PLCXD1: variants seen among roughly 807,000 people sequenced by gnomAD.
The protein encoded by PLCXD1 is PI-PLC X domain-containing protein 1.
PLCXD1 carries 45 observed loss-of-function variants against 37.8 expected under a neutral mutation model. That is an observed-to-expected ratio of 1.19 (90% CI 0.94 to 1.53). PLCXD1 has a LOEUF of 1.53. Ranked by LOEUF, PLCXD1 falls within the 40% of genes most tolerant of loss-of-function variation. The pLI, the probability that PLCXD1 is intolerant of heterozygous loss-of-function variation, is 0.00. For missense variants in PLCXD1, 539 were observed against 454.7 expected (o/e 1.19, Z -1.69); for synonymous variants, 246 against 206.9 (o/e 1.19, Z -1.62).
intron 5 of PLCXD1, among the ~76,000 whole-genome samples, chrX:292,777 C>T (rs1482022245): frequency 4.6e-5 from 7 of 151,690 alleles, no homozygotes; most frequent in Non-Finnish European, 7.4e-5. Flanking sequence ...CGCACCCGGC[C>T]AATTTTTGTA....
Position 288,874 on chromosome X carries a change from G to C in PLCXD1, c.264+5G>C, listed in dbSNP as rs751242230. On this transcript the variant is annotated splice_donor_5th_base_variant and intron_variant, in intron 3 of 6. Transcript: ENST00000381657. ...CTGAAATGGTCCGTCACCCAGGTAC[G>C]GTCTGTGCCCCGTGCTGCTGACCTG... 1 of 1,612,154 alleles carries C rather than the reference G, an allele frequency of 6.2e-7. No individual in the cohort carries two copies. The highest frequency in any genetic ancestry group is 8.5e-7 in the Non-Finnish European group (1 of 1,179,648).
At chrX:294,661 A>G (rs1255467540) in intron 6 of PLCXD1, among the ~76,000 whole-genome samples, 1 of 149,516 alleles carries the variant, frequency 6.7e-6, no homozygotes, top group Non-Finnish European at 1.5e-5. Flanking sequence ...AAAATTAGCC[A>G]GGCATGGTGA....
At position 299,637 on chromosome X, in the gene PLCXD1, G is replaced by A; in HGVS notation, c.*302G>A. 1 of 500,834 alleles carries A rather than the reference G, an allele frequency of 2.0e-6. No individual in the cohort carries two copies. The highest frequency in any genetic ancestry group is 3.5e-5 in the East Asian group (1 of 28,280). The allele number at this position is 500,834 out of a possible 1,614,324, so 31.0% of individuals were successfully genotyped here. A position where few individuals can be genotyped will look rare whatever the true frequency, so the allele number is the denominator to read the frequency against. The stretch of plus-strand genomic sequence containing the variant: ...GCTGGGTGTGTGGCAGGCGCCTGTA[G>A]TCCCAGTTACTCGGGAGGCTCAGGC... On this transcript the variant is annotated 3_prime_UTR_variant, in exon 7 of 7. Coordinates refer to ENST00000381657, the MANE Select transcript of PLCXD1 (RefSeq NM_018390.4).
upstream of PLCXD1, among the ~76,000 whole-genome samples, chrX:279,889 T>A (rs765832247): frequency 1.3e-5 from 2 of 152,144 alleles, no homozygotes; most frequent in East Asian, 3.9e-4. Flanking sequence ...TCACTCTGTC[T>A]CCCAGGCTGG....
intron 6 of PLCXD1, 125 bp downstream of exon 6, chrX:293,343 T>C: frequency 1.4e-6 from 1 of 739,906 alleles, no homozygotes; most frequent in South Asian, 1.8e-5. Flanking sequence ...ATCCATGAGC[T>C]GGGCGTGGTA....
intron 6 of PLCXD1, among the ~76,000 whole-genome samples, chrX:294,309 C>T (rs1360459737): frequency 4.6e-5 from 7 of 152,194 alleles, no homozygotes; most frequent in East Asian, 3.9e-4. Flanking sequence ...GGAGAAACCC[C>T]GTCTCTACTA....
chrX:291,755 C>A, intron 5 of PLCXD1, 101 bp downstream of exon 5: 1 of 1,320,310 alleles, frequency 7.6e-7, no homozygotes, highest in Non-Finnish European at 1.1e-6. Context: ...TGCCATGATT[C>A]CTGTAGCAGG....
chrX:290,850 CTG>C, intron 4 of PLCXD1, 74 bp downstream of exon 4: 3 of 1,239,386 alleles, frequency 2.4e-6, no homozygotes, highest in Non-Finnish European at 3.3e-6. Flanking sequence ...TGCGGCCGGG[CTG>C]AGGTGGGAAG....
intron 2 of PLCXD1, among the ~76,000 whole-genome samples, chrX:286,539 C>T (rs774761792): frequency 6.6e-5 from 10 of 152,108 alleles, no homozygotes; most frequent in Admixed American, 2.6e-4. Context: ...TCTTAAGAGC[C>T]GAGCTCCTTA....
chrX:292,248 C>T (rs1274127492), intron 5 of PLCXD1, among the ~76,000 whole-genome samples: 2 of 151,564 alleles, frequency 1.3e-5, no homozygotes, highest in South Asian at 2.1e-4. Context: ...GAGGTCAGGA[C>T]ATCGAGACCA....
chrX:280,283 C>T (rs2069235301), upstream of PLCXD1, among the ~76,000 whole-genome samples: 1 of 150,558 alleles, frequency 6.6e-6, no homozygotes, highest in African/African-American at 2.4e-5. Flanking sequence ...GAGGGGAGGC[C>T]GTGCAGGAGG....
rs1377286502 is a variant in PLCXD1 at position 301,016 on chromosome X, T to C, written c.*1681T>C. 3 of 152,222 alleles carry C rather than the reference T, an allele frequency of 2.0e-5. No homozygotes were observed. The highest frequency in any genetic ancestry group is 7.2e-5 in the African/African-American group (3 of 41,432). 9.4% of individuals were successfully genotyped at this position (152,222 alleles called of 1,614,324 possible). A position where few individuals can be genotyped will look rare whatever the true frequency, so the allele number is the denominator to read the frequency against. Reference sequence around the variant, plus strand: ...CTGTGCCCAGCCGCCGATATTTCTTTAAATTATGTTTAGGGACAGGGTCTT... The same window carrying C: ...CTGTGCCCAGCCGCCGATATTTCTTCAAATTATGTTTAGGGACAGGGTCTT... On this transcript the variant is annotated 3_prime_UTR_variant, in exon 7 of 7. Transcript: ENST00000381657.
At chrX:282,957 T>A (rs759103369) in intron 1 of PLCXD1, among the ~76,000 whole-genome samples, 3 of 142,312 alleles carry the variant, frequency 2.1e-5, no homozygotes, top group Non-Finnish European at 4.5e-5. Flanking sequence ...ATATATATAT[T>A]ATATATGTAT....
Position 284,669 on chromosome X carries a change from T to C in PLCXD1, c.127+355T>C, listed in dbSNP as rs1348267472. 3.4e-5 allele frequency among the ~76,000 whole-genome samples: 5 copies of C among 147,764 alleles called. No homozygotes were observed. In the East Asian group the frequency reaches 8.2e-4, roughly 24 times the overall value. ...ACACATGCACATCTGCACACACACA[T>C]GCACATCTGCACACATACGCATGTG... is the stretch of plus-strand genomic sequence containing the variant. On this transcript the variant is annotated intron_variant, in intron 2 of 6. Transcript: ENST00000381657.
upstream of PLCXD1, among the ~76,000 whole-genome samples, chrX:277,242 T>A (rs1413719755): frequency 2.1e-3 from 207 of 97,750 alleles, no homozygotes; most frequent in African/African-American, 7.4e-3. Context: ...GGACTTGGGA[T>A]GTGAGGGGAG....
At chrX:288,418 C>A (rs1243157069) in intron 2 of PLCXD1, among the ~76,000 whole-genome samples, 2 of 152,198 alleles carry the variant, frequency 1.3e-5, no homozygotes, top group Non-Finnish European at 2.9e-5. Flanking sequence ...CTCCACGAGG[C>A]CTCCTCCTCT....
rs1436055232 is a variant in PLCXD1, at chrX:301,269, C to T, written c.*1934C>T. 1 of 152,094 alleles carries T rather than the reference C, an allele frequency of 6.6e-6. No individual in the cohort carries two copies. Among genetic ancestry groups the T allele is most frequent in the African/African-American group, 2.4e-5 (1 of 41,384 alleles). The allele number at this position is 152,094 out of a possible 1,614,324, so 9.4% of individuals were successfully genotyped here. A position where few individuals can be genotyped will look rare whatever the true frequency, so the allele number is the denominator to read the frequency against. ...CCAGTGATCCTCCCACCTTAGCTTCCAGAGTGGCCAGGATCACAGGCAGGC... is the reference window on the plus strand; with the variant it reads ...CCAGTGATCCTCCCACCTTAGCTTCTAGAGTGGCCAGGATCACAGGCAGGC... On this transcript the variant is annotated 3_prime_UTR_variant, in exon 7 of 7. Coordinates refer to ENST00000381657, the MANE Select transcript of PLCXD1 (RefSeq NM_018390.4).
rs1246500943 is a variant in PLCXD1, at chrX:290,740, C to T, written c.357C>T (p.His119=). The change falls in exon 4 of 7, where the codon CAC becomes CAT. Residue 119 remains histidine (H), a synonymous_variant. Transcript: ENST00000381657. ...HMLEGSEKNL[H]FVHMVYTTAL... ...TGGAGGGCTCGGAGAAGAACCTGCA[C>T]TTTGTCCATATGGTGTACACAACGG... The T allele has an allele frequency of 6.2e-7, 1 of 1,613,694 alleles. No individual in the cohort carries two copies. Among genetic ancestry groups the T allele is most frequent in the Admixed American group, 1.7e-5 (1 of 59,994 alleles).
chrX:291,151 CTTTTTTTTTTTGG>C (rs1569564530), intron 4 of PLCXD1, among the ~76,000 whole-genome samples: 2 of 143,504 alleles, frequency 1.4e-5, no homozygotes, highest in Admixed American at 1.4e-4. Flanking sequence ...TTTTTTTTTG[CTTTTTTTTTTTGG>C]AGATGGAGTC....
Sources: gnomAD v4.1 joint callset for allele counts (sites outside exome capture counted in the v4.1 genomes callset) on GRCh38, gnomAD v4.1.1 for gene constraint, MANE v1.5 for transcripts, NCBI Gene and HGNC (gene_info 2026-07-23, HGNC 2026-07-21) for gene names.